PFDN4: variants seen among roughly 807,000 people sequenced by gnomAD.
The protein encoded by PFDN4 is prefoldin 4.
A neutral mutation model predicts 17.6 loss-of-function variants in PFDN4; 6 were observed. The ratio of observed to expected loss-of-function variants is 0.34; its 90% CI spans 0.19 to 0.67. The LOEUF is 0.67. PFDN4 is among the 30% of genes least tolerant of loss of function. PFDN4 has a pLI of 0.68. For synonymous variants in PFDN4, 48 were observed against 51.1 expected, an observed-to-expected ratio of 0.94 and a Z score of 0.26; for missense variants, 119 against 158.4, an observed-to-expected ratio of 0.75 and a Z score of 1.33.
At chr20:54,214,572 A>T (rs985816638) in intron 2 of PFDN4, 114 bp downstream of exon 2, 30 of 569,790 alleles carry the variant, frequency 5.3e-5, no homozygotes, top group Non-Finnish European at 2.8e-5. Flanking sequence ...CAGATGAATG[A>T]CGCGATCCAC....
At chr20:54,214,603 T>A (rs1012854553) in intron 2 of PFDN4, 145 bp downstream of exon 2, 1 of 364,556 alleles carries the variant, frequency 2.7e-6, no homozygotes, top group Non-Finnish European at 5.1e-6. Context: ...CAGAAAGTCA[T>A]TTTTTTTTTA....
chr20:54,213,468 A>T (rs1402780725), intron 1 of PFDN4, among the ~76,000 whole-genome samples: 1 of 152,190 alleles, frequency 6.6e-6, no homozygotes, highest in Non-Finnish European at 1.5e-5. Context: ...CCGAGAACTC[A>T]TGGACCTGTC....
In PFDN4 at chr20:54,214,449, A is replaced by G; in HGVS notation, c.123A>G (p.Glu41=). The G allele has an allele frequency of 6.7e-7, 1 of 1,491,586 alleles. No homozygotes were observed. The allele number at this position is 1,491,586 out of a possible 1,614,324, so 92.4% of individuals were successfully genotyped here. A position where few individuals can be genotyped will look rare whatever the true frequency, so the allele number is the denominator to read the frequency against. The part of the protein sequence containing the change: ...SRITELKEEI[E]VKKKQLQNLE... ...TCACAGAGCTGAAGGAAGAAATAGA[A>G]GTAAAAAAGGTATTGAAAATAATTA... Residue 41 remains glutamate, a synonymous_variant, in exon 2 of 4, where the codon GAA becomes GAG. Coordinates refer to ENST00000371419, the MANE Select transcript of PFDN4 (RefSeq NM_002623.4).
Position 54,214,489 on chromosome 20 carries a change from T to G in PFDN4, c.132+31T>G, listed in dbSNP as rs750526134. On this transcript the variant is annotated intron_variant, in intron 2 of 3. Transcript: ENST00000371419. Reference sequence around the variant, plus strand: ...GAAAATAATTATTAGAAGAATAAAATTTTTTTATACTATAGCTACTAAAAC... The same window carrying G: ...GAAAATAATTATTAGAAGAATAAAAGTTTTTTATACTATAGCTACTAAAAC... The G allele has an allele frequency of 3.4e-5, 36 of 1,053,982 alleles. No individual in the cohort carries two copies. In the African/African-American group the frequency reaches 5.2e-4, roughly 15 times the overall value. The allele number at this position is 1,053,982 out of a possible 1,614,324, so 65.3% of individuals were successfully genotyped here.
chr20:54,217,283 C>T (rs774363742), intron 3 of PFDN4, among the ~76,000 whole-genome samples: 14 of 135,614 alleles, frequency 1.0e-4, no homozygotes, highest in Admixed American at 5.4e-4. Context: ...CAGAAAGGGG[C>T]GGCGGGGGGC....
intron 1 of PFDN4, among the ~76,000 whole-genome samples, chr20:54,210,171 G>A (rs1202849684): frequency 6.6e-6 from 1 of 152,204 alleles, no homozygotes; most frequent in African/African-American, 2.4e-5. Flanking sequence ...AGGCCCGATG[G>A]CAGATAATCA....
At chr20:54,216,505 T>G (rs2092762641) in intron 3 of PFDN4, among the ~76,000 whole-genome samples, 1 of 152,162 alleles carries the variant, frequency 6.6e-6, no homozygotes, top group African/African-American at 2.4e-5. Flanking sequence ...TTGGTCAAAT[T>G]TTGTGATTTT....
rs6023044 is a variant in PFDN4 at position 54,219,535 on chromosome 20, T to C, written c.*385T>C. The C allele has an allele frequency of 0.4, 154,678 of 391,330 alleles. 31,762 individuals carry two copies. The highest frequency in any genetic ancestry group is 0.44 in the African/African-American group (21,160 of 48,456). The allele number at this position is 391,330 out of a possible 1,614,324, so 24.2% of individuals were successfully genotyped here. On this transcript the variant is annotated 3_prime_UTR_variant, in exon 4 of 4. Transcript: ENST00000371419. Reference sequence around the variant, plus strand: ...CTGTCTAATGACGGGGAAAGCACGATGAAAAGATGTACAATCCTGCATCCT... The same window carrying C: ...CTGTCTAATGACGGGGAAAGCACGACGAAAAGATGTACAATCCTGCATCCT...
chr20:54,217,427 C>A (rs1471142670), intron 3 of PFDN4, among the ~76,000 whole-genome samples: 1 of 152,086 alleles, frequency 6.6e-6, no homozygotes, highest in Admixed American at 6.5e-5. Context: ...TTGGAGAACT[C>A]CAGTCAGTTG....
intron 1 of PFDN4, among the ~76,000 whole-genome samples, chr20:54,210,318 C>T (rs974432525): frequency 6.6e-6 from 1 of 152,186 alleles, no homozygotes. Flanking sequence ...TAGATGTTTC[C>T]AGTGTTAGGA....
intron 2 of PFDN4, among the ~76,000 whole-genome samples, chr20:54,214,854 A>T (rs1459766419): frequency 2.0e-5 from 3 of 152,138 alleles, no homozygotes; most frequent in Non-Finnish European, 4.4e-5. Context: ...CTTGAGTTGA[A>T]ATCCAGCTCA....
At chr20:54,211,892 T>G (rs917522249) in intron 1 of PFDN4, among the ~76,000 whole-genome samples, 1 of 152,052 alleles carries the variant, frequency 6.6e-6, no homozygotes, top group Non-Finnish European at 1.5e-5. Flanking sequence ...CACCCCCCAG[T>G]TAAGAATTAC....
At chr20:54,210,185 G>T (rs905798142) in intron 1 of PFDN4, among the ~76,000 whole-genome samples, 7 of 152,212 alleles carry the variant, frequency 4.6e-5, no homozygotes, top group African/African-American at 1.7e-4. Context: ...ATAATCAGGG[G>T]AAGAGAGTTT....
chr20:54,215,215 G>A, intron 2 of PFDN4, 85 bp from the exon 3 acceptor site: 1 of 899,556 alleles, frequency 1.1e-6, no homozygotes, highest in Non-Finnish European at 1.7e-6. Flanking sequence ...GTCCCTCAGA[G>A]AGTTGCTGTC....
chr20:54,210,093 T>C (rs2092753735), intron 1 of PFDN4, among the ~76,000 whole-genome samples: 1 of 151,728 alleles, frequency 6.6e-6, no homozygotes, highest in South Asian at 2.1e-4. Context: ...GAAGGGAGAG[T>C]TGGATAGGGA....
At chr20:54,210,457 A>G (rs765792209) in intron 1 of PFDN4, among the ~76,000 whole-genome samples, 16 of 152,222 alleles carry the variant, frequency 1.1e-4, no homozygotes, top group Non-Finnish European at 2.1e-4. Context: ...ATTAAAAGCA[A>G]ATCGTACAAT....
intron 1 of PFDN4, among the ~76,000 whole-genome samples, chr20:54,211,697 T>G (rs1173303727): frequency 6.6e-6 from 1 of 152,214 alleles, no homozygotes; most frequent in Admixed American, 6.5e-5. Flanking sequence ...AGAGTTCTTC[T>G]GACTTTGAGA....
chr20:54,217,433 A>T (rs1435559241), intron 3 of PFDN4, among the ~76,000 whole-genome samples: 1 of 152,206 alleles, frequency 6.6e-6, no homozygotes, highest in East Asian at 1.9e-4. Context: ...AACTCCAGTC[A>T]GTTGAGTTGA....
rs978010850 is a variant in PFDN4 at position 54,219,425 on chromosome 20, A to G, written c.*275A>G. On this transcript the variant is annotated 3_prime_UTR_variant, in exon 4 of 4. Transcript: ENST00000371419. ...CAGTTAAGCAATCTTTTATGTTTCT[A>G]TATTATTTAGAATATTTGTTGTTGC... 1.4e-5 allele frequency: 5 copies of G among 364,648 alleles called. No individual in the cohort carries two copies. The highest frequency in any genetic ancestry group is 4.2e-5 in the African/African-American group (2 of 48,098). 22.6% of individuals were successfully genotyped at this position (364,648 alleles called of 1,614,324 possible). A position where few individuals can be genotyped will look rare whatever the true frequency, so the allele number is the denominator to read the frequency against.
Sources: gnomAD v4.1 joint callset for allele counts (sites outside exome capture counted in the v4.1 genomes callset) on GRCh38, gnomAD v4.1.1 for gene constraint, MANE v1.5 for transcripts, NCBI Gene and HGNC (gene_info 2026-07-23, HGNC 2026-07-21) for gene names.